ANKRD26: variants seen among roughly 807,000 people sequenced by gnomAD.
ANKRD26 encodes ankyrin repeat domain 26.
A neutral mutation model predicts 208.7 loss-of-function variants in ANKRD26; 141 were observed. The observed-to-expected ratio is 0.68, with a 90% CI of 0.59 to 0.78. The LOEUF (loss-of-function observed/expected upper bound fraction) is 0.78, where lower values mean the gene tolerates loss of function less well. ANKRD26 is among the 30% of genes least tolerant of loss of function. The pLI is 0.00. For synonymous variants in ANKRD26, 636 were observed against 660.4 expected, an observed-to-expected ratio of 0.96 and a Z score of 0.57; for missense variants, 1,889 against 1,938.7, an observed-to-expected ratio of 0.97 and a Z score of 0.48.
intron 3 of ANKRD26, among the ~76,000 whole-genome samples, chr10:26,985,759 C>A (rs536001175): frequency 6.6e-6 from 1 of 152,250 alleles, no homozygotes; most frequent in Non-Finnish European, 1.5e-5. Context: ...TCCGTAGCAT[C>A]CCAAAGTCAT....
rs368348587 is a variant in ANKRD26 at position 27,100,259 on chromosome 10, C to T, written c.68G>A (p.Ser23Asn). 4 of 1,611,008 alleles carry T rather than the reference C, an allele frequency of 2.5e-6. No homozygotes were observed. In the African/African-American group the frequency reaches 5.3e-5, roughly 22 times the overall value. ...LGSFARRQRS[S>N]AGGGGEPGEG... is the part of the protein sequence containing the mutation. ...CCCCGGCTCGCCCCCGCCTCCCGCGCTGCTCCTCTGCCGCCGCGCGAAGGA... is the reference window on the plus strand; with the variant it reads ...CCCCGGCTCGCCCCCGCCTCCCGCGTTGCTCCTCTGCCGCCGCGCGAAGGA... The change falls in exon 1 of 34, where the codon AGC becomes AAC. Residue 23 changes from serine to asparagine, a missense_variant. Around this residue, in one of 3 missense-constraint regions of ANKRD26, gnomAD observed 1,272 missense variants for 1,273.8 expected, o/e 1.00. Transcript: ENST00000376087.
chr10:27,044,516 C>T (rs1014239162), intron 18 of ANKRD26, among the ~76,000 whole-genome samples: 7 of 151,348 alleles, frequency 4.6e-5, no homozygotes, highest in Non-Finnish European at 8.8e-5. Flanking sequence ...AAGAAATATA[C>T]CAGGTTTTTT....
downstream of ANKRD26, among the ~76,000 whole-genome samples, chr10:26,970,303 G>C (rs1459834944): frequency 6.6e-6 from 1 of 152,096 alleles, no homozygotes; most frequent in African/African-American, 2.4e-5. Context: ...TCATGGGGGT[G>C]GAATTCTCAT....
intron 9 of ANKRD26, among the ~76,000 whole-genome samples, chr10:27,071,872 G>A (rs191245905): frequency 1.3e-3 from 200 of 152,230 alleles, no homozygotes; most frequent in African/African-American, 4.3e-3. Flanking sequence ...AAGAAAAAGC[G>A]GCATCCCCAT....
rs559818410 is a variant in ANKRD26, at chr10:27,073,111, G to T, written c.1077+4227C>A. Among the ~76,000 whole-genome samples, 32 of 152,248 alleles carry T rather than the reference G, an allele frequency of 2.1e-4. No homozygotes were observed. In the East Asian group the frequency reaches 6.0e-3, roughly 28 times the overall value. On this transcript the variant is annotated intron_variant, in intron 9 of 33. Coordinates refer to ENST00000376087, the MANE Select transcript of ANKRD26 (RefSeq NM_014915.3). ...GCACCACATTGAGAGGGCACCCCAT[G>T]GGAAAAAAAGAAACCAGACTGCAGG...
Position 27,093,407 on chromosome 10 carries a change from T to C in ANKRD26, c.473A>G (p.Asp158Gly), listed in dbSNP as rs773512016. The change falls in exon 3 of 34, where the codon GAC (aspartate) becomes GGC (glycine). Residue 158 changes from aspartate to glycine, a missense_variant. Asp to Gly is a moderately conservative substitution (Grantham distance 94). Transcript: ENST00000376087. ...TALHYAVYNE[D>G]ISVATKLLLY... Reference sequence around the variant, plus strand: ...AAGCAGCTTTGTTGCTACTGATATGTCCTCATTATAGACAGCATAGTGAAG... The same window carrying C: ...AAGCAGCTTTGTTGCTACTGATATGCCCTCATTATAGACAGCATAGTGAAG... The C allele has an allele frequency of 2.8e-5, 46 of 1,614,070 alleles. No individual in the cohort carries two copies. The Middle Eastern group carries it at 3.8e-3, about 133-fold the overall frequency.
chr10:27,047,737 A>AT (rs1564388471), intron 17 of ANKRD26, among the ~76,000 whole-genome samples: 467 of 40,512 alleles, frequency 0.012, 3 homozygotes, highest in African/African-American at 0.019. Context: ...AATAATAATA[A>AT]TAATTATTAT....
downstream of ANKRD26, among the ~76,000 whole-genome samples, chr10:26,987,795 A>G (rs942768791): frequency 9.2e-5 from 14 of 152,204 alleles, no homozygotes; most frequent in Non-Finnish European, 1.9e-4. Flanking sequence ...AAGGGTCTCA[A>G]GAGAATGCGG....
intron 20 of ANKRD26, among the ~76,000 whole-genome samples, chr10:27,042,441 AC>A (rs1426210672): frequency 6.7e-6 from 1 of 150,006 alleles, no homozygotes; most frequent in Non-Finnish European, 1.5e-5. Context: ...ACATGATGAA[AC>A]CCCGCCTCTA....
chr10:26,971,690 A>AAG (rs2052145174), downstream of ANKRD26, among the ~76,000 whole-genome samples: 1 of 151,724 alleles, frequency 6.6e-6, no homozygotes, highest in African/African-American at 2.4e-5. Context: ...AAAAAAAAAA[A>AAG]AAAGAAAACA....
At position 27,092,446 on chromosome 10, in the gene ANKRD26, T is replaced by C; in HGVS notation, c.598A>G (p.Lys200Glu). Reference sequence around the variant, plus strand: ...ACTGCATTTACATTTGCTTTTTTCTTTATTAAAAATTCCACCATTTGCTGC... The same window carrying C: ...ACTGCATTTACATTTGCTTTTTTCTCTATTAAAAATTCCACCATTTGCTGC... ...KKQQMVEFLIKKKANVNAVDK... is the reference protein window; with the variant it reads ...KKQQMVEFLIEKKANVNAVDK... The change falls in exon 4 of 34, where the codon AAG becomes GAG. Residue 200 changes from lysine (K) to glutamate (E), a missense_variant. Around this residue, in one of 3 missense-constraint regions of ANKRD26, gnomAD observed 1,272 missense variants for 1,273.8 expected, o/e 1.00. Coordinates refer to ENST00000376087, the MANE Select transcript of ANKRD26 (RefSeq NM_014915.3). 1 of 1,613,662 alleles carries C rather than the reference T, an allele frequency of 6.2e-7. No homozygotes were observed. Among genetic ancestry groups the C allele is most frequent in the South Asian group, 1.1e-5 (1 of 91,060 alleles).
intron 25 of ANKRD26, among the ~76,000 whole-genome samples, chr10:27,029,644 GATAA>G: frequency 6.6e-6 from 1 of 152,228 alleles, no homozygotes; most frequent in African/African-American, 2.4e-5. Flanking sequence ...TATTTTATCA[GATAA>G]ATACTCAAAT....
intron 19 of ANKRD26, 141 bp from the exon 20 acceptor site, chr10:27,043,708 T>C (rs1317587182): frequency 2.6e-6 from 2 of 780,218 alleles, no homozygotes; most frequent in Non-Finnish European, 4.1e-6. Flanking sequence ...AGGATTTATT[T>C]ATCAACAGCT....
the ANKRD26 span, among the ~76,000 whole-genome samples, chr10:26,951,013 C>CTTTTCTTTTTTTT: frequency 1.5e-4 from 15 of 100,910 alleles, no homozygotes; most frequent in East Asian, 9.5e-4. Flanking sequence ...CTTTTCTTTT[C>CTTTTCTTTTTTTT]TTTTTCTTTT....
At chr10:27,043,334 C>G in intron 20 of ANKRD26, 92 bp downstream of exon 20, 5 of 1,466,018 alleles carry the variant, frequency 3.4e-6, no homozygotes, top group Non-Finnish European at 4.7e-6. Context: ...TGAAGCACTG[C>G]AAAATGTATG....
chr10:26,993,987 A>G (rs2052534757), intron 5 of ANKRD26, among the ~76,000 whole-genome samples: 1 of 152,258 alleles, frequency 6.6e-6, no homozygotes, highest in Non-Finnish European at 1.5e-5. Context: ...TACTAAAAGG[A>G]TATTAAATCA....
chr10:26,983,762 C>T (rs2052343542), intron 3 of ANKRD26, among the ~76,000 whole-genome samples: 1 of 152,192 alleles, frequency 6.6e-6, no homozygotes, highest in Non-Finnish European at 1.5e-5. Flanking sequence ...GTCCTTTCCT[C>T]TGAAAAGCTT....
At position 27,083,511 on chromosome 10, in the gene ANKRD26, G is replaced by A. The variant is rs939035706; in HGVS notation, c.710-678C>T. On this transcript the variant is annotated intron_variant, in intron 5 of 33. Transcript: ENST00000376087. ...GGCCAAGGCAGGAGGATCACTTCAG[G>A]CCAGGAGTTTGAGACCAGCCTGGCC... is the stretch of plus-strand genomic sequence containing the variant. 7.9e-5 allele frequency among the ~76,000 whole-genome samples: 12 copies of A among 151,798 alleles called. No homozygotes were observed. In the East Asian group the frequency reaches 2.3e-3, roughly 30 times the overall value.
downstream of ANKRD26, among the ~76,000 whole-genome samples, chr10:26,988,811 C>A (rs2134656043): frequency 6.7e-6 from 1 of 148,380 alleles, no homozygotes; most frequent in East Asian, 2.0e-4. Flanking sequence ...TTGGGAAGGC[C>A]AAGGTAGGAA....
Sources: allele counts gnomAD v4.1 joint callset (sites outside exome capture counted in the v4.1 genomes callset), GRCh38; gene constraint gnomAD v4.1.1; regional missense constraint gnomAD v4.1.1; transcripts MANE v1.5; gene names NCBI Gene and HGNC (gene_info 2026-07-23, HGNC 2026-07-21).